TRPM1: variants seen among roughly 807,000 people sequenced by gnomAD.
TRPM1 encodes the protein transient receptor potential cation channel subfamily M member 1.
TRPM1 carries 113 observed loss-of-function variants against 149.4 expected under a neutral mutation model. The ratio of observed to expected loss-of-function variants is 0.76; its 90% CI spans 0.65 to 0.88. The LOEUF (loss-of-function observed/expected upper bound fraction) is 0.88, where lower values mean the gene tolerates loss of function less well. TRPM1 is among the 40% of genes least tolerant of loss of function. The pLI is 0.00. For missense variants in TRPM1, 1,976 were observed against 2,038.7 expected (o/e 0.97, Z 0.59); for synonymous variants, 741 against 759.5 (o/e 0.98, Z 0.40).
intron 1 of TRPM1, among the ~76,000 whole-genome samples, chr15:31,096,809 C>T (rs987047732): frequency 5.9e-5 from 9 of 152,220 alleles, no homozygotes; most frequent in Admixed American, 3.9e-4. Context: ...CAGGGAAGTC[C>T]CTCACCAGAG....
Position 31,148,330 on chromosome 15 carries a change from G to A in TRPM1, c.54+12576C>T, listed in dbSNP as rs1308565728. 3.3e-5 allele frequency among the ~76,000 whole-genome samples: 5 copies of A among 152,222 alleles called. No homozygotes were observed. In the South Asian group the frequency reaches 8.3e-4, roughly 25 times the overall value. On this transcript the variant is annotated intron_variant, in intron 1 of 26. Transcript: ENST00000542188. ...AGCTGGGGGTGTGCAATGAGGTTGC[G>A]CTCACACCCTCCAGCTCCAAAGGGG... is the stretch of plus-strand genomic sequence containing the variant.
intron 6 of TRPM1, 148 bp from the exon 7 acceptor site, chr15:31,066,395 C>A: frequency 1.2e-6 from 1 of 866,360 alleles, no homozygotes; most frequent in Non-Finnish European, 1.9e-6. Context: ...TTATTTTTGC[C>A]AATTGTTACA....
At chr15:31,021,466 C>T (rs1051440097) in intron 27 of TRPM1, among the ~76,000 whole-genome samples, 5 of 152,126 alleles carry the variant, frequency 3.3e-5, no homozygotes, top group African/African-American at 4.8e-5. Flanking sequence ...GAGGCTAAGG[C>T]GGGAGGACCG....
chr15:31,141,449 A>G (rs1440234534), intron 1 of TRPM1, among the ~76,000 whole-genome samples: 1 of 152,194 alleles, frequency 6.6e-6, no homozygotes, highest in East Asian at 1.9e-4. Context: ...AATTTCATCT[A>G]ACTTGGAGGT....
chr15:31,113,202 G>GT (rs2035722742), intron 1 of TRPM1, among the ~76,000 whole-genome samples: 1 of 152,120 alleles, frequency 6.6e-6, no homozygotes. Context: ...CTGGTGAATG[G>GT]TAACTCACAG....
At position 31,046,253 on chromosome 15, in the gene TRPM1, G is replaced by T. The variant is rs75349295; in HGVS notation, c.1765-20C>A. 6.2e-7 allele frequency: 1 copy of T among 1,608,672 alleles called. No homozygotes were observed. Among genetic ancestry groups the T allele is most frequent in the Non-Finnish European group, 8.5e-7 (1 of 1,178,710 alleles). On this transcript the variant is annotated intron_variant, in intron 15 of 27. Transcript: ENST00000256552. ...TTTAGGCTGCATGGTGAAAGAGGAA[G>T]AAAAAAAATCAATTTACTTAGATAA...
intron 27 of TRPM1, among the ~76,000 whole-genome samples, chr15:31,023,274 G>A (rs2032610605): frequency 6.6e-6 from 1 of 152,262 alleles, no homozygotes; most frequent in Non-Finnish European, 1.5e-5. Flanking sequence ...AGCCCATGCA[G>A]AGCCCCTGTG....
At chr15:31,125,017 T>C (rs913145857) in intron 1 of TRPM1, among the ~76,000 whole-genome samples, 46 of 151,646 alleles carry the variant, frequency 3.0e-4, no homozygotes, top group African/African-American at 1.0e-3. Flanking sequence ...CTTTCAAAAA[T>C]ACAAAAAATT....
chr15:31,029,770 A>AAATAACT (rs2032976786), intron 23 of TRPM1, among the ~76,000 whole-genome samples: 1 of 152,328 alleles, frequency 6.6e-6, no homozygotes, highest in South Asian at 2.1e-4. Context: ...TCATAAGCAC[A>AAATAACT]AATAACTACA....
At chr15:31,065,854 C>A (rs931292742) in intron 7 of TRPM1, among the ~76,000 whole-genome samples, 1 of 152,216 alleles carries the variant, frequency 6.6e-6, no homozygotes, top group Non-Finnish European at 1.5e-5. Flanking sequence ...AGGGTTATTT[C>A]GTGCTAACTT....
chr15:31,084,874 G>A (rs1206060249), intron 1 of TRPM1, among the ~76,000 whole-genome samples: 1 of 147,282 alleles, frequency 6.8e-6, no homozygotes, highest in Non-Finnish European at 1.5e-5. Flanking sequence ...TTTTAGTAGA[G>A]ATGGGTGTTT....
intron 1 of TRPM1, among the ~76,000 whole-genome samples, chr15:31,140,420 T>C (rs561143185): frequency 8.7e-4 from 132 of 152,026 alleles, no homozygotes; most frequent in African/African-American, 3.0e-3. Flanking sequence ...GAAATGTGAT[T>C]ATCAGTGTTG....
intron 16 of TRPM1, among the ~76,000 whole-genome samples, chr15:31,045,137 C>A (rs2033728290): frequency 6.6e-6 from 1 of 152,122 alleles, no homozygotes; most frequent in Non-Finnish European, 1.5e-5. Context: ...AGCTCATAAC[C>A]CTTCCAGGAG....
At chr15:31,036,675 C>T (rs2033391219) in intron 20 of TRPM1, among the ~76,000 whole-genome samples, 1 of 152,250 alleles carries the variant, frequency 6.6e-6, no homozygotes, top group South Asian at 2.1e-4. Context: ...TTCCTGGCCC[C>T]ATCTCCGGCA....
intron 1 of TRPM1, among the ~76,000 whole-genome samples, chr15:31,150,058 A>G (rs1042949516): frequency 2.0e-5 from 3 of 152,120 alleles, no homozygotes; most frequent in Admixed American, 2.0e-4. Flanking sequence ...CCCATTCTCC[A>G]TTTCATCCTT....
chr15:31,118,792 G>T (rs2035836934), intron 1 of TRPM1, among the ~76,000 whole-genome samples: 1 of 152,052 alleles, frequency 6.6e-6, no homozygotes. Flanking sequence ...TCTGATAAGG[G>T]CATGAATCCC....
rs1321586720 is a variant in TRPM1, at chr15:31,061,484, G to A, written c.1120C>T (p.Gln374Ter). The A allele has an allele frequency of 6.2e-7, 1 of 1,613,982 alleles. No individual in the cohort carries two copies. The highest frequency in any genetic ancestry group is 8.5e-7 in the Non-Finnish European group (1 of 1,179,980). ...VTVFRMGSEGQQDIEMAILTA... is the reference protein window; with the variant it reads ...VTVFRMGSEG The stretch of plus-strand genomic sequence containing the variant: ...AAAATTGCCATCTCGATGTCCTGCT[G>A]GCCCTCAGAACCCATTCTGAACACA... Residue 374 changes from glutamine to a stop codon, truncating the protein, a stop_gained, in exon 10 of 28, where the codon CAG (glutamine) becomes TAG (stop). Coordinates refer to ENST00000256552, the MANE Select transcript of TRPM1 (RefSeq NM_001252024.2). LOFTEE classifies it high-confidence loss of function.
At chr15:31,081,621 C>T (rs1048040538) in intron 1 of TRPM1, among the ~76,000 whole-genome samples, 183 bp from the exon 2 acceptor site, 5 of 152,070 alleles carry the variant, frequency 3.3e-5, no homozygotes, top group African/African-American at 1.2e-4. Context: ...AACCTTCTCC[C>T]CCACCTCCTG....
At chr15:31,054,868 C>T (rs2034042795) in intron 11 of TRPM1, among the ~76,000 whole-genome samples, 1 of 152,090 alleles carries the variant, frequency 6.6e-6, no homozygotes, top group Non-Finnish European at 1.5e-5. Flanking sequence ...CTATGTTGTA[C>T]AATAGGTCTC....
Sources: allele counts gnomAD v4.1 joint callset (sites outside exome capture counted in the v4.1 genomes callset), GRCh38; gene constraint gnomAD v4.1.1; transcripts MANE v1.5; gene names NCBI Gene and HGNC (gene_info 2026-07-23, HGNC 2026-07-21).